Variants in PDE1A observed in about 807,000 individuals in gnomAD.
The protein encoded by PDE1A is phosphodiesterase 1A.
In PDE1A, 35 loss-of-function variants were observed where a neutral mutation model predicts 61.7. The ratio of observed to expected loss-of-function variants is 0.57; its 90% CI spans 0.43 to 0.75. The LOEUF (loss-of-function observed/expected upper bound fraction) is 0.75. Among genes scored for constraint, PDE1A ranks in the 30% least tolerant of loss-of-function variants. The probability of loss-of-function intolerance (pLI) is 0.00; values close to 1 mark genes in which losing one functional copy is unlikely to be tolerated. For missense variants in PDE1A, 597 were observed against 630.6 expected (o/e 0.95, Z 0.57); for synonymous variants, 232 against 213.2 (o/e 1.09, Z -0.77).
the PDE1A span, among the ~76,000 whole-genome samples, chr2:182,601,876 G>A: frequency 2.0e-5 from 3 of 152,276 alleles, no homozygotes; most frequent in African/African-American, 7.2e-5. Context: ...GCCCCAGAGG[G>A]GATGAAGTCA....
chr2:182,709,199 T>C, the PDE1A span, among the ~76,000 whole-genome samples: 5 of 151,982 alleles, frequency 3.3e-5, no homozygotes, highest in Admixed American at 6.6e-5. Context: ...GAAAAACCCA[T>C]ACTTTCCTTT....
chr2:182,318,813 T>C (rs1173528967), intron 1 of PDE1A, among the ~76,000 whole-genome samples: 1 of 152,168 alleles, frequency 6.6e-6, no homozygotes, highest in African/African-American at 2.4e-5. Context: ...CTGCAATCTA[T>C]ATGATATGAG....
chr2:182,644,398 A>G, the PDE1A span, among the ~76,000 whole-genome samples: 2 of 151,648 alleles, frequency 1.3e-5, no homozygotes, highest in Non-Finnish European at 2.9e-5. Context: ...GAGTTAATGG[A>G]TCAAAAATAG....
intron 4 of PDE1A, among the ~76,000 whole-genome samples, chr2:182,231,425 A>T (rs1055798130): frequency 8.5e-5 from 13 of 152,130 alleles, no homozygotes; most frequent in African/African-American, 3.1e-4. Flanking sequence ...TCTCTCTCCA[A>T]CTTCCTGCCA....
At chr2:182,239,995 A>C (rs1449696474) in intron 3 of PDE1A, 115 bp downstream of exon 3, 2 of 861,198 alleles carry the variant, frequency 2.3e-6, no homozygotes, top group Non-Finnish European at 3.4e-6. Context: ...AGTTATCATT[A>C]TGATCACAGT....
intron 2 of PDE1A, among the ~76,000 whole-genome samples, chr2:182,503,612 T>A (rs1261400331): frequency 1.3e-5 from 2 of 152,148 alleles, no homozygotes; most frequent in Non-Finnish European, 2.9e-5. Context: ...CCAAGGCCAA[T>A]GCTTCAGGCC....
At chr2:182,495,853 C>T (rs1408468822) in intron 2 of PDE1A, among the ~76,000 whole-genome samples, 2 of 152,166 alleles carry the variant, frequency 1.3e-5, no homozygotes, top group Non-Finnish European at 2.9e-5. Context: ...TATTTAAATC[C>T]CACTCTATAG....
intron 1 of PDE1A, among the ~76,000 whole-genome samples, chr2:182,359,611 A>C (rs1439275905): frequency 6.6e-6 from 1 of 152,244 alleles, no homozygotes; most frequent in Non-Finnish European, 1.5e-5. Context: ...ATTTTAATGA[A>C]GTATTTTTTT....
chr2:182,496,998 T>C (rs561560326), intron 2 of PDE1A, among the ~76,000 whole-genome samples: 2 of 152,356 alleles, frequency 1.3e-5, no homozygotes, highest in Admixed American at 6.5e-5. Context: ...GGCTTCCTTA[T>C]ATGATAAATG....
At chr2:182,680,358 G>A in the PDE1A span, among the ~76,000 whole-genome samples, 8 of 151,946 alleles carry the variant, frequency 5.3e-5, no homozygotes, top group Non-Finnish European at 1.0e-4. Context: ...CTACAGGGAT[G>A]CATCACCACG....
At chr2:182,476,891 T>C (rs1687398694) in intron 2 of PDE1A, among the ~76,000 whole-genome samples, 1 of 141,470 alleles carries the variant, frequency 7.1e-6, no homozygotes, top group African/African-American at 2.5e-5. Flanking sequence ...GCTAAGGTTT[T>C]CATAAAAAAA....
At chr2:182,345,197 T>C (rs1355769082) in intron 1 of PDE1A, among the ~76,000 whole-genome samples, 1 of 152,212 alleles carries the variant, frequency 6.6e-6, no homozygotes, top group Non-Finnish European at 1.5e-5. Flanking sequence ...AGATAATTAA[T>C]AGACATCTAA....
chr2:182,488,471 C>T (rs1386267571), intron 2 of PDE1A, among the ~76,000 whole-genome samples: 1 of 151,988 alleles, frequency 6.6e-6, no homozygotes, highest in Admixed American at 6.5e-5. Flanking sequence ...TTCAGATATC[C>T]ACTTTATTTG....
chr2:182,674,515 G>A, the PDE1A span, among the ~76,000 whole-genome samples: 1 of 151,850 alleles, frequency 6.6e-6, no homozygotes, highest in Non-Finnish European at 1.5e-5. Context: ...TTAGAATGCA[G>A]GGCCTAGGAC....
At chr2:182,296,456 T>C (rs934343587) in intron 1 of PDE1A, among the ~76,000 whole-genome samples, 1 of 152,170 alleles carries the variant, frequency 6.6e-6, no homozygotes, top group African/African-American at 2.4e-5. Flanking sequence ...TACTCATAGA[T>C]AGATGATATA....
the PDE1A span, among the ~76,000 whole-genome samples, chr2:182,565,206 G>T: frequency 6.6e-6 from 1 of 152,234 alleles, no homozygotes; most frequent in East Asian, 1.9e-4. Context: ...GGTCTTTGAT[G>T]ATGGTGACGT....
At chr2:182,499,440 T>A (rs1325571653) in intron 2 of PDE1A, among the ~76,000 whole-genome samples, 1 of 152,188 alleles carries the variant, frequency 6.6e-6, no homozygotes, top group Non-Finnish European at 1.5e-5. Context: ...ACCAGGCTAG[T>A]CTCAAACTCC....
rs80235670 is a variant in PDE1A at position 182,446,173 on chromosome 2, G to A, written c.101+76103C>T. On this transcript the variant is annotated intron_variant, in intron 2 of 14. Coordinates refer to the PDE1A transcript ENST00000410103. ...TATTAATTACAAAGCAAAGTGGTCAGCAATGGTTTCCCAGGGTTATTTTGT... is the reference window on the plus strand; with the variant it reads ...TATTAATTACAAAGCAAAGTGGTCAACAATGGTTTCCCAGGGTTATTTTGT... Among the ~76,000 whole-genome samples the A allele has an allele frequency of 5.7e-3, 871 of 152,158 alleles. 6 individuals carry two copies. The highest frequency in any genetic ancestry group is 0.019 in the African/African-American group (801 of 41,530).
At chr2:182,567,278 C>T in the PDE1A span, among the ~76,000 whole-genome samples, 1 of 152,148 alleles carries the variant, frequency 6.6e-6, no homozygotes, top group Non-Finnish European at 1.5e-5. Flanking sequence ...ACTTCGTTTT[C>T]CTGGCATATT....
Sources: allele counts gnomAD v4.1 joint callset (sites outside exome capture counted in the v4.1 genomes callset), GRCh38; gene constraint gnomAD v4.1.1; transcripts MANE v1.5; gene names NCBI Gene and HGNC (gene_info 2026-07-23, HGNC 2026-07-21).